The following SNRK variants were observed in gnomAD, a reference collection of about 807,000 sequenced individuals.
SNRK encodes SNF-related serine/threonine-protein kinase.
A neutral mutation model predicts 48.2 loss-of-function variants in SNRK; 3 were observed. The observed-to-expected ratio is 0.06, with a 90% confidence interval of 0.03 to 0.16. The LOEUF (loss-of-function observed/expected upper bound fraction) is 0.16, where lower values mean the gene tolerates loss of function less well. Ranked by LOEUF, SNRK falls within the 10% of genes least tolerant of loss-of-function variation. The pLI, the probability that SNRK is intolerant of heterozygous loss-of-function variation, is 1.00. For missense variants in SNRK, 627 were observed against 976.0 expected (o/e 0.64, Z 4.76); for synonymous variants, 376 against 366.1 (o/e 1.03, Z -0.31).
chr3:43,307,260 C>T (rs150198958), intron 3 of SNRK, among the ~76,000 whole-genome samples: 63 of 152,190 alleles, frequency 4.1e-4, no homozygotes, highest in Non-Finnish European at 8.2e-4. Flanking sequence ...TTTATCAATA[C>T]GAAAGTATAC....
chr3:43,315,387 T>C (rs1474136831), intron 3 of SNRK: 1 of 152,260 alleles, frequency 6.6e-6, no homozygotes, highest in African/African-American at 2.4e-5. Flanking sequence ...TGTAGTTTCA[T>C]GTCCCATTTT....
intron 4 of SNRK, among the ~76,000 whole-genome samples, chr3:43,339,716 T>C (rs1414236661): frequency 2.0e-5 from 3 of 150,132 alleles, no homozygotes; most frequent in Admixed American, 1.3e-4. Flanking sequence ...CTCAGGAGGC[T>C]GAGGCAGGAG....
chr3:43,309,646 T>G (rs1311310739), intron 3 of SNRK, among the ~76,000 whole-genome samples: 1 of 150,550 alleles, frequency 6.6e-6, no homozygotes, highest in Admixed American at 6.6e-5. Flanking sequence ...AGATAGGGAC[T>G]CTCTCTGTAG....
At chr3:43,313,377 A>G (rs553942620) in intron 3 of SNRK, among the ~76,000 whole-genome samples, 1 of 152,364 alleles carries the variant, frequency 6.6e-6, no homozygotes, top group Non-Finnish European at 1.5e-5. Context: ...AATACTATGC[A>G]GCAATAAAAA....
Position 43,286,628 on chromosome 3 carries a change from T to C in SNRK, c.-216T>C, listed in dbSNP as rs889909092. 2.0e-5 allele frequency: 3 copies of C among 148,888 alleles called. No individual in the cohort carries two copies. Among genetic ancestry groups the C allele is most frequent in the Non-Finnish European group, 4.5e-5 (3 of 66,982 alleles). The allele number at this position is 148,888 out of a possible 1,614,324, so 9.2% of individuals were successfully genotyped here. A position where few individuals can be genotyped will look rare whatever the true frequency, so the allele number is the denominator to read the frequency against. On this transcript the variant is annotated 5_prime_UTR_variant, in exon 1 of 7. Transcript: ENST00000296088. ...CGGGGTTTCGGCGGCCGGGAGGGAG[T>C]TGTCGGCGCCGCGGCCGCTGCGGAC... is the stretch of plus-strand genomic sequence containing the variant.
intron 3 of SNRK, among the ~76,000 whole-genome samples, chr3:43,326,226 CCA>C: frequency 6.6e-6 from 1 of 152,202 alleles, no homozygotes; most frequent in East Asian, 1.9e-4. Context: ...ATTTATCCCA[CCA>C]CAGTCTGCTC....
chr3:43,291,151 G>A (rs1431708335), intron 1 of SNRK, among the ~76,000 whole-genome samples: 1 of 152,156 alleles, frequency 6.6e-6, no homozygotes, highest in Non-Finnish European at 1.5e-5. Context: ...ATACATGCCT[G>A]ACCTTGTCCC....
chr3:43,310,064 A>C (rs866298081), intron 3 of SNRK, among the ~76,000 whole-genome samples: 1 of 152,156 alleles, frequency 6.6e-6, no homozygotes, highest in East Asian at 1.9e-4. Context: ...CTGTATTGCA[A>C]CATTCGCTTT....
rs2090763589 is a variant in SNRK, at chr3:43,286,544, A to G, written c.-300A>G. On this transcript the variant is annotated 5_prime_UTR_variant, in exon 1 of 7. Coordinates refer to ENST00000296088, the MANE Select transcript of SNRK (RefSeq NM_017719.5). The stretch of plus-strand genomic sequence containing the variant: ...ACGCGCAGCCCGCGCAGGCGCAGCT[A>G]CCCGGCACCCCCTCCCCGCGGCCGG... The G allele has an allele frequency of 6.6e-6, 1 of 150,882 alleles. No individual in the cohort carries two copies. The highest frequency in any genetic ancestry group is 1.5e-5 in the Non-Finnish European group (1 of 67,684). 9.3% of individuals were successfully genotyped at this position (150,882 alleles called of 1,614,324 possible).
At chr3:43,307,764 A>T (rs1016328068) in intron 3 of SNRK, among the ~76,000 whole-genome samples, 2 of 152,144 alleles carry the variant, frequency 1.3e-5, no homozygotes, top group Non-Finnish European at 2.9e-5. Context: ...AATTAGGCCA[A>T]TTAATTACAG....
At chr3:43,300,658 A>G (rs1257940313) in intron 2 of SNRK, among the ~76,000 whole-genome samples, 2 of 150,566 alleles carry the variant, frequency 1.3e-5, no homozygotes, top group Non-Finnish European at 2.9e-5. Context: ...CCCAAATTAA[A>G]ATTTCTTTTG....
intron 1 of SNRK, among the ~76,000 whole-genome samples, chr3:43,290,000 T>G (rs2090798289): frequency 6.6e-6 from 1 of 152,220 alleles, no homozygotes; most frequent in African/African-American, 2.4e-5. Context: ...TGACTAATAT[T>G]TGCCTGGACC....
intron 1 of SNRK, among the ~76,000 whole-genome samples, chr3:43,294,612 C>T (rs2090838467): frequency 6.6e-6 from 1 of 152,026 alleles, no homozygotes; most frequent in African/African-American, 2.4e-5. Context: ...AATTGTTTTT[C>T]AGAAAGGTAG....
At position 43,303,832 on chromosome 3, in the gene SNRK, G is replaced by C. The variant is rs2090915459; in HGVS notation, c.589+40G>C. The C allele has an allele frequency of 4.3e-6, 6 of 1,383,348 alleles. No individual in the cohort carries two copies. The highest frequency in any genetic ancestry group is 6.1e-6 in the Non-Finnish European group (6 of 988,248). 85.7% of individuals were successfully genotyped at this position (1,383,348 alleles called of 1,614,324 possible). On this transcript the variant is annotated intron_variant, in intron 3 of 6. Transcript: ENST00000296088. This position sits in a 1 kb window ranked among gnomAD's most constrained non-coding sequence, Gnocchi z 6.2. Reference sequence around the variant, plus strand: ...TCCAGTATTTGGCCATTTGAATTCTGCCAGCTAGAGTTGGTCAGATCGGTT... The same window carrying C: ...TCCAGTATTTGGCCATTTGAATTCTCCCAGCTAGAGTTGGTCAGATCGGTT...
intron 4 of SNRK, among the ~76,000 whole-genome samples, chr3:43,337,628 C>G (rs189164158): frequency 2.6e-5 from 4 of 152,032 alleles, no homozygotes; most frequent in African/African-American, 9.7e-5. Flanking sequence ...CAAAGAACTG[C>G]TGGGTAATTT....
chr3:43,290,374 C>T (rs2090801856), intron 1 of SNRK, among the ~76,000 whole-genome samples: 2 of 152,172 alleles, frequency 1.3e-5, no homozygotes, highest in Non-Finnish European at 2.9e-5. Context: ...AGAAGCAAAT[C>T]CTCTACTTTC....
At position 43,349,785 on chromosome 3, in the gene SNRK, T is replaced by C. The variant is rs2091309006; in HGVS notation, c.*1228T>C. On this transcript the variant is annotated 3_prime_UTR_variant, in exon 7 of 7. Coordinates refer to ENST00000296088, the MANE Select transcript of SNRK (RefSeq NM_017719.5). ...AATCATCTGTTGTGGCATTCTATCT[T>C]GTAGGACACTGTATATTGCAAATTG... 6.6e-6 allele frequency: 1 copy of C among 152,234 alleles called. No individual in the cohort carries two copies. The highest frequency in any genetic ancestry group is 1.5e-5 in the Non-Finnish European group (1 of 68,044). The allele number at this position is 152,234 out of a possible 1,614,324, so 9.4% of individuals were successfully genotyped here. A position where few individuals can be genotyped will look rare whatever the true frequency, so the allele number is the denominator to read the frequency against.
intron 2 of SNRK, among the ~76,000 whole-genome samples, chr3:43,302,489 A>C (rs751196136): frequency 4.6e-5 from 7 of 152,202 alleles, no homozygotes; most frequent in Non-Finnish European, 1.0e-4. Context: ...ATCCCTGAGA[A>C]CCTGCTACTG....
intron 5 of SNRK, among the ~76,000 whole-genome samples, chr3:43,341,353 G>C (rs920853960): frequency 6.6e-6 from 1 of 152,080 alleles, no homozygotes; most frequent in Non-Finnish European, 1.5e-5. Context: ...GAGTTTCACT[G>C]TGTTAGCCAG....
Sources: gnomAD v4.1 joint callset for allele counts (sites outside exome capture counted in the v4.1 genomes callset) on GRCh38, gnomAD v4.1.1 for gene constraint, Gnocchi (gnomAD v3.1) non-coding constraint, MANE v1.5 for transcripts, NCBI Gene and HGNC (gene_info 2026-07-23, HGNC 2026-07-21) for gene names.